The following ADAMTS17 variants were observed in gnomAD, a reference collection of about 807,000 sequenced individuals.
ADAMTS17 encodes the protein A disintegrin and metalloproteinase with thrombospondin motifs 17.
Under a neutral mutation model 141.5 loss-of-function variants are expected in ADAMTS17, and 113 were observed. The observed-to-expected ratio is 0.80, with a 90% confidence interval of 0.69 to 0.93. ADAMTS17 has a LOEUF of 0.93. Ranked by LOEUF, ADAMTS17 falls within the 40% of genes least tolerant of loss-of-function variation. The pLI is 0.00. For synonymous variants in ADAMTS17, 768 were observed against 630.6 expected (o/e 1.22, Z -3.27); for missense variants, 1,659 against 1,517.9 (o/e 1.09, Z -1.54).
intron 10 of ADAMTS17, among the ~76,000 whole-genome samples, chr15:100,142,697 A>T (rs1323093191): frequency 6.6e-6 from 1 of 152,194 alleles, no homozygotes; most frequent in Admixed American, 6.5e-5. Flanking sequence ...CAGCCTGACT[A>T]GAGAGTCCTT....
At chr15:100,155,055 G>A in intron 9 of ADAMTS17, 125 bp downstream of exon 9, 2 of 1,445,506 alleles carry the variant, frequency 1.4e-6, no homozygotes, top group Non-Finnish European at 1.9e-6. Context: ...ACCGCCTCCT[G>A]AGGCTAGATG....
intron 18 of ADAMTS17, among the ~76,000 whole-genome samples, chr15:100,000,357 G>A (rs2060894898): frequency 6.6e-6 from 1 of 152,182 alleles, no homozygotes; most frequent in East Asian, 1.9e-4. Context: ...TTTTGGCCAA[G>A]AGTTTGTGTG....
intron 7 of ADAMTS17, among the ~76,000 whole-genome samples, chr15:100,205,315 C>A (rs1483769635): frequency 1.3e-5 from 2 of 152,126 alleles, no homozygotes; most frequent in African/African-American, 2.4e-5. Flanking sequence ...CTGGGATTTA[C>A]AAGTTAGAAG....
intron 15 of ADAMTS17, among the ~76,000 whole-genome samples, chr15:100,084,539 GCCT>G (rs768229362): frequency 6.6e-5 from 10 of 152,228 alleles, no homozygotes; most frequent in Non-Finnish European, 1.5e-5. Flanking sequence ...CAGGCAGACT[GCCT>G]CCTCAAGTTG....
At position 100,058,263 on chromosome 15, in the gene ADAMTS17, G is replaced by GGCTCTTAACACCCCTATCCCGGCTCTA. The variant is rs1567101913; in HGVS notation, c.2138-4210_2138-4209insTAGAGCCGGGATAGGGGTGTTAAGAGC. Among the ~76,000 whole-genome samples the GGCTCTTAACACCCCTATCCCGGCTCTA allele has an allele frequency of 1.3e-4, 4 of 30,802 alleles. 2 individuals carry two copies. Among genetic ancestry groups the GGCTCTTAACACCCCTATCCCGGCTCTA allele is most frequent in the African/African-American group, 5.4e-4 (2 of 3,672 alleles). 20.2% of individuals were successfully genotyped at this position (30,802 alleles called of 152,430 possible). A position where few individuals can be genotyped will look rare whatever the true frequency, so the allele number is the denominator to read the frequency against. ...GCTCTGACCCTCCTATCCCGGCTCTGACACCCCTATCCCGGCTCTAACCCT... is the reference window on the plus strand; with the variant it reads ...GCTCTGACCCTCCTATCCCGGCTCTGGCTCTTAACACCCCTATCCCGGCTCTAACACCCCTATCCCGGCTCTAACCCT... On this transcript the variant is annotated intron_variant, in intron 15 of 21. Transcript: ENST00000268070.
chr15:100,025,015 G>A (rs1053008289), intron 18 of ADAMTS17, among the ~76,000 whole-genome samples: 2 of 152,206 alleles, frequency 1.3e-5, no homozygotes, highest in Non-Finnish European at 2.9e-5. Context: ...AACCTGCTCA[G>A]GATCACACAG....
At chr15:100,117,445 G>T (rs1266370676) in intron 12 of ADAMTS17, among the ~76,000 whole-genome samples, 1 of 152,110 alleles carries the variant, frequency 6.6e-6, no homozygotes, top group East Asian at 1.9e-4. Flanking sequence ...TAAGTTTCAG[G>T]ATGAGTAAAT....
At chr15:100,267,046 G>A (rs76110894) in intron 4 of ADAMTS17, among the ~76,000 whole-genome samples, 10,485 of 152,096 alleles carry the variant, frequency 0.069, 454 homozygotes, top group East Asian at 0.12. Context: ...GTGCACAACC[G>A]TGTACTTACC....
At chr15:100,027,699 G>T (rs554174401) in intron 18 of ADAMTS17, among the ~76,000 whole-genome samples, 1 of 152,180 alleles carries the variant, frequency 6.6e-6, no homozygotes, top group Admixed American at 6.5e-5. Flanking sequence ...TTCCTGCTCC[G>T]GTAAATTCCT....
chr15:100,301,795 C>A (rs1195206719), intron 3 of ADAMTS17, among the ~76,000 whole-genome samples: 1 of 152,118 alleles, frequency 6.6e-6, no homozygotes, highest in Non-Finnish European at 1.5e-5. Context: ...AATTTAGCAT[C>A]TTTTTTTCTC....
At chr15:100,228,809 T>C (rs2042387805) in intron 7 of ADAMTS17, among the ~76,000 whole-genome samples, 1 of 152,188 alleles carries the variant, frequency 6.6e-6, no homozygotes, top group Non-Finnish European at 1.5e-5. Context: ...GGAGCTGGCC[T>C]GCTCACTAGC....
intron 3 of ADAMTS17, among the ~76,000 whole-genome samples, chr15:100,303,368 C>G (rs1046954439): frequency 6.6e-6 from 1 of 151,488 alleles, no homozygotes; most frequent in East Asian, 1.9e-4. Flanking sequence ...AGTCTCTTAC[C>G]GGACATATGA....
At chr15:100,096,596 C>G (rs1348221911) in intron 14 of ADAMTS17, 120 bp from the exon 15 acceptor site, 1 of 1,273,714 alleles carries the variant, frequency 7.9e-7, no homozygotes, top group African/African-American at 1.5e-5. Flanking sequence ...GGGCCCTGAT[C>G]CATTCAGAGG....
At chr15:100,127,145 C>T (rs568661553) in intron 12 of ADAMTS17, among the ~76,000 whole-genome samples, 2 of 152,132 alleles carry the variant, frequency 1.3e-5, no homozygotes, top group Non-Finnish European at 2.9e-5. Flanking sequence ...CTGCAGGGGG[C>T]TGAACGGTGG....
Position 100,093,657 on chromosome 15 carries a change from T to A in ADAMTS17, c.2137+2699A>T, listed in dbSNP as rs115747363. On this transcript the variant is annotated intron_variant, in intron 15 of 21. Coordinates refer to ENST00000268070, the MANE Select transcript of ADAMTS17 (RefSeq NM_139057.4). ...CTGATTTCTACTTGTCCTTTAGTGCTGGGGGCCACCCTCAGCTTTTGGAGG... is the reference window on the plus strand; with the variant it reads ...CTGATTTCTACTTGTCCTTTAGTGCAGGGGGCCACCCTCAGCTTTTGGAGG... Among the ~76,000 whole-genome samples, 1,101 of 152,174 alleles carry A rather than the reference T, an allele frequency of 7.2e-3. 10 individuals carry two copies. The highest frequency in any genetic ancestry group is 0.025 in the African/African-American group (1,055 of 41,538).
chr15:100,319,552 T>C (rs966693303), intron 3 of ADAMTS17, among the ~76,000 whole-genome samples: 2 of 151,872 alleles, frequency 1.3e-5, no homozygotes, highest in African/African-American at 2.4e-5. Context: ...CTACTAAAAA[T>C]ACAAAAAAAT....
At chr15:100,160,431 C>A (rs1035089916) in intron 8 of ADAMTS17, among the ~76,000 whole-genome samples, 2 of 152,168 alleles carry the variant, frequency 1.3e-5, no homozygotes, top group Non-Finnish European at 2.9e-5. Context: ...GAGACTCAAG[C>A]CCTGGGAGGA....
chr15:100,325,370 C>G (rs1008816803), intron 3 of ADAMTS17, among the ~76,000 whole-genome samples: 1 of 152,204 alleles, frequency 6.6e-6, no homozygotes, highest in Non-Finnish European at 1.5e-5. Flanking sequence ...TAAAGCACAA[C>G]AGTGGGCCCT....
intron 3 of ADAMTS17, among the ~76,000 whole-genome samples, chr15:100,327,764 C>T (rs8028970): frequency 0.094 from 14,245 of 152,242 alleles, 1,116 homozygotes; most frequent in East Asian, 0.26. Flanking sequence ...TTTTATGGAT[C>T]AGTTTATCAG....
Sources: gnomAD v4.1 joint callset for allele counts (sites outside exome capture counted in the v4.1 genomes callset) on GRCh38, gnomAD v4.1.1 for gene constraint, MANE v1.5 for transcripts, NCBI Gene and HGNC (gene_info 2026-07-23, HGNC 2026-07-21) for gene names.